The following DIS3L2 variants were observed in gnomAD, a reference collection of about 807,000 sequenced individuals.
DIS3L2 encodes DIS3 like 3'-5' exoribonuclease 2.
A neutral mutation model predicts 97.5 loss-of-function variants in DIS3L2; 34 were observed. The observed-to-expected ratio is 0.35, with a 90% CI of 0.27 to 0.46. DIS3L2 has a LOEUF of 0.46. DIS3L2 is among the 20% of genes least tolerant of loss of function. DIS3L2 has a pLI of 1.00. For synonymous variants in DIS3L2, 435 were observed against 445.2 expected (o/e 0.98, Z 0.29); for missense variants, 1,038 against 1,146.0 (o/e 0.91, Z 1.36).
chr2:232,026,511 T>C (rs1010536156), intron 4 of DIS3L2, among the ~76,000 whole-genome samples: 2 of 151,962 alleles, frequency 1.3e-5, no homozygotes, highest in Admixed American at 6.6e-5. Context: ...CCATTAGAAA[T>C]ACCTGCCATT....
chr2:232,000,919 G>T, intron 1 of DIS3L2, among the ~76,000 whole-genome samples: 1 of 150,592 alleles, frequency 6.6e-6, no homozygotes, highest in African/African-American at 2.4e-5. Context: ...GTATTCCATT[G>T]TGTATATATA....
chr2:232,286,526 A>C (rs538219098), intron 13 of DIS3L2, among the ~76,000 whole-genome samples: 1 of 152,202 alleles, frequency 6.6e-6, no homozygotes, highest in Non-Finnish European at 1.5e-5. Flanking sequence ...TTGAGTCCCA[A>C]TCAGCTTGTT....
intron 3 of DIS3L2, among the ~76,000 whole-genome samples, chr2:232,022,552 A>G (rs1003525296): frequency 2.0e-5 from 3 of 152,160 alleles, no homozygotes; most frequent in Non-Finnish European, 4.4e-5. Context: ...TCTTTGAGCG[A>G]CAAGGGATGA....
At chr2:232,166,469 T>C (rs1690822998) in intron 9 of DIS3L2, among the ~76,000 whole-genome samples, 1 of 152,214 alleles carries the variant, frequency 6.6e-6, no homozygotes, top group Admixed American at 6.5e-5. Context: ...TCAACGCCTG[T>C]AATCCTAGCA....
intron 9 of DIS3L2, among the ~76,000 whole-genome samples, chr2:232,165,378 C>T (rs1690773508): frequency 6.6e-6 from 1 of 151,972 alleles, no homozygotes; most frequent in Non-Finnish European, 1.5e-5. Flanking sequence ...TATACGTATA[C>T]ACATCAAAGT....
At chr2:232,013,661 G>A (rs918877831) in intron 1 of DIS3L2, among the ~76,000 whole-genome samples, 1 of 152,112 alleles carries the variant, frequency 6.6e-6, no homozygotes, top group African/African-American at 2.4e-5. Context: ...CCTTCATTCT[G>A]TCTAGTGTAG....
At chr2:232,222,581 C>T (rs1271984501) in intron 10 of DIS3L2, among the ~76,000 whole-genome samples, 1 of 152,190 alleles carries the variant, frequency 6.6e-6, no homozygotes, top group Non-Finnish European at 1.5e-5. Flanking sequence ...AGTGATTCTG[C>T]TGCCTCAACC....
At chr2:232,312,470 T>C (rs1695162567) in intron 14 of DIS3L2, among the ~76,000 whole-genome samples, 1 of 152,248 alleles carries the variant, frequency 6.6e-6, no homozygotes, top group African/African-American at 2.4e-5. Context: ...ATATCTATTC[T>C]TGTACCAGTA....
At chr2:232,225,973 T>G (rs1297920130) in intron 10 of DIS3L2, among the ~76,000 whole-genome samples, 1 of 152,188 alleles carries the variant, frequency 6.6e-6, no homozygotes, top group African/African-American at 2.4e-5. Context: ...AACAGGTACA[T>G]CTATAGAGAC....
At chr2:232,119,345 C>T (rs750871823) in intron 6 of DIS3L2, among the ~76,000 whole-genome samples, 36 of 152,114 alleles carry the variant, frequency 2.4e-4, no homozygotes, top group Non-Finnish European at 4.0e-4. Flanking sequence ...AAACACCTGT[C>T]GGACTTTAGT....
downstream of DIS3L2, among the ~76,000 whole-genome samples, chr2:232,339,322 A>T (rs1696057417): frequency 6.6e-6 from 1 of 152,238 alleles, no homozygotes; most frequent in South Asian, 2.1e-4. Flanking sequence ...CTGCAGAAGC[A>T]GCACCAGAGG....
intron 10 of DIS3L2, among the ~76,000 whole-genome samples, chr2:232,222,770 G>A (rs1692539235): frequency 6.6e-6 from 1 of 152,196 alleles, no homozygotes; most frequent in African/African-American, 2.4e-5. Flanking sequence ...CCCAGCTGGT[G>A]AGTGAACAAT....
intron 10 of DIS3L2, among the ~76,000 whole-genome samples, chr2:232,237,844 A>G (rs937493453): frequency 2.0e-5 from 3 of 152,184 alleles, no homozygotes; most frequent in African/African-American, 7.2e-5. Flanking sequence ...TCCCAAGCAT[A>G]GGAAAAAGTA....
At chr2:232,129,068 C>T (rs1372990485) in intron 6 of DIS3L2, among the ~76,000 whole-genome samples, 1 of 152,146 alleles carries the variant, frequency 6.6e-6, no homozygotes, top group East Asian at 1.9e-4. Flanking sequence ...ACATTTTGAA[C>T]AGCCGACTTG....
intron 5 of DIS3L2, among the ~76,000 whole-genome samples, chr2:232,054,799 C>CA (rs765179342): frequency 3.9e-5 from 6 of 151,954 alleles, no homozygotes; most frequent in Non-Finnish European, 8.8e-5. Flanking sequence ...AAAGATAATA[C>CA]AATATAAGAA....
At chr2:232,098,022 C>T (rs965641341) in intron 6 of DIS3L2, among the ~76,000 whole-genome samples, 4 of 152,042 alleles carry the variant, frequency 2.6e-5, no homozygotes, top group Non-Finnish European at 5.9e-5. Context: ...TCTCTTTGGG[C>T]GTAGGGTGTA....
chr2:232,307,144 T>A (rs372097224), intron 14 of DIS3L2, among the ~76,000 whole-genome samples: 1 of 152,240 alleles, frequency 6.6e-6, no homozygotes, highest in Admixed American at 6.5e-5. Context: ...CTTTCAGTTG[T>A]GGGTTTGCTT....
chr2:232,119,600 A>C (rs1286632770), intron 6 of DIS3L2, among the ~76,000 whole-genome samples: 2 of 152,230 alleles, frequency 1.3e-5, no homozygotes. Flanking sequence ...AGAGAAATTT[A>C]AAAGTGGTTT....
intron 6 of DIS3L2, among the ~76,000 whole-genome samples, chr2:232,126,992 C>T (rs1365451546): frequency 2.0e-5 from 3 of 152,176 alleles, no homozygotes; most frequent in African/African-American, 7.2e-5. Context: ...CAAGGCTCAA[C>T]TCACTTCCTC....
Sources: gnomAD v4.1 joint callset for allele counts (sites outside exome capture counted in the v4.1 genomes callset) on GRCh38, gnomAD v4.1.1 for gene constraint, MANE v1.5 for transcripts, NCBI Gene and HGNC (gene_info 2026-07-23, HGNC 2026-07-21) for gene names.